The following ZGRF1 variants were observed in gnomAD, a reference collection of about 807,000 sequenced individuals.
ZGRF1 encodes 5'-3' DNA helicase ZGRF1.
ZGRF1 carries 196 observed loss-of-function variants against 203.5 expected under a neutral mutation model. That is an observed-to-expected ratio of 0.96 (90% CI 0.86 to 1.08). ZGRF1 has a LOEUF of 1.08. Ranked by LOEUF, ZGRF1 falls within the 50% of genes least tolerant of loss-of-function variation. The pLI, the probability that ZGRF1 is intolerant of heterozygous loss-of-function variation, is 0.00. For missense variants in ZGRF1, 2,326 were observed against 2,416.3 expected, an observed-to-expected ratio of 0.96 and a Z score of 0.78; for synonymous variants, 809 against 841.3, an observed-to-expected ratio of 0.96 and a Z score of 0.66.
At chr4:112,608,231 A>T (rs1166096530) in intron 8 of ZGRF1, among the ~76,000 whole-genome samples, 1 of 152,206 alleles carries the variant, frequency 6.6e-6, no homozygotes, top group Non-Finnish European at 1.5e-5. Context: ...ACTTTTAAAA[A>T]ATATATGATA....
rs1416323331 is a variant in ZGRF1 at position 112,631,875 on chromosome 4, AT to A, written c.102+54del. The stretch of plus-strand genomic sequence containing the variant: ...TCATGTACAGTTTTTTAAATATTCA[AT>A]CAAAAATCGAGAACCTTGCTCTTGC... On this transcript the variant is annotated intron_variant, in intron 3 of 27. Coordinates refer to ENST00000505019, the MANE Select transcript of ZGRF1 (RefSeq NM_018392.5). 1.9e-5 allele frequency: 17 copies of A among 872,576 alleles called. No homozygotes were observed. In the African/African-American group the frequency reaches 2.7e-4, roughly 14 times the overall value. The allele number at this position is 872,576 out of a possible 1,614,324, so 54.1% of individuals were successfully genotyped here.
intron 21 of ZGRF1, among the ~76,000 whole-genome samples, chr4:112,554,200 C>T (rs1328093803): frequency 1.8e-5 from 2 of 111,044 alleles, no homozygotes; most frequent in African/African-American, 3.5e-5. Flanking sequence ...CTATCCCTCC[C>T]CCCTCCCCCC....
chr4:112,579,618 T>C lies in ZGRF1; in HGVS notation c.4438+2045A>G, dbSNP rs1262449945. The stretch of plus-strand genomic sequence containing the variant: ...TGTGCAAAAATCATAAGCATTCTTA[T>C]ACACCAATAACAGACAAACAGAGAG... On this transcript the variant is annotated intron_variant, in intron 16 of 27. Coordinates refer to ENST00000505019, the MANE Select transcript of ZGRF1 (RefSeq NM_018392.5). Among the ~76,000 whole-genome samples, 2 of 121,774 alleles carry C rather than the reference T, an allele frequency of 1.6e-5. 1 individual carries two copies. The highest frequency in any genetic ancestry group is 4.8e-4 in the East Asian group (2 of 4,152). The allele number at this position is 121,774 out of a possible 152,430, so 79.9% of individuals were successfully genotyped here. A position where few individuals can be genotyped will look rare whatever the true frequency, so the allele number is the denominator to read the frequency against.
chr4:112,633,620 T>C (rs950859490), intron 1 of ZGRF1, among the ~76,000 whole-genome samples: 1 of 152,242 alleles, frequency 6.6e-6, no homozygotes, highest in African/African-American at 2.4e-5. Flanking sequence ...GGCCCCCTTG[T>C]GTTTTAAATT....
chr4:112,552,229 A>C (rs1285689183), intron 22 of ZGRF1, among the ~76,000 whole-genome samples: 1 of 151,622 alleles, frequency 6.6e-6, no homozygotes, highest in African/African-American at 2.4e-5. Flanking sequence ...GTGAGCTGAG[A>C]CTGCGCCACT....
intron 23 of ZGRF1, 24 bp downstream of exon 23, chr4:112,548,229 T>G: frequency 6.4e-7 from 1 of 1,551,090 alleles, no homozygotes; most frequent in Non-Finnish European, 8.7e-7. Flanking sequence ...GTATTACCCC[T>G]GGGGAAAGAA....
intron 24 of ZGRF1, among the ~76,000 whole-genome samples, chr4:112,542,691 A>G (rs1009508446): frequency 6.6e-6 from 1 of 152,056 alleles, no homozygotes; most frequent in African/African-American, 2.4e-5. Flanking sequence ...CTTCTGCCTC[A>G]GCTTCCTGAG....
At position 112,539,854 on chromosome 4, in the gene ZGRF1, T is replaced by TTATTTTACC. The variant is rs772996794; in HGVS notation, c.6172_6172+8dup. The TTATTTTACC allele has an allele frequency of 8.6e-5, 139 of 1,612,670 alleles. No individual in the cohort carries two copies. Among genetic ancestry groups the TTATTTTACC allele is most frequent in the Non-Finnish European group, 7.4e-5 (87 of 1,179,218 alleles). ...TGAAATGCATGAATTAAACCCATTT[T>TTATTTTACC]TATTTTACCTTCGCAGTGTTGGATC... On this transcript the variant is annotated intron_variant, in intron 27 of 27. Transcript: ENST00000505019.
chr4:112,608,983 T>C (rs1371362847), intron 8 of ZGRF1, among the ~76,000 whole-genome samples: 7 of 152,124 alleles, frequency 4.6e-5, no homozygotes, highest in Admixed American at 4.6e-4. Flanking sequence ...ACTGACAATA[T>C]ATAATACAAA....
Position 112,617,858 on chromosome 4 carries a change from T to C in ZGRF1, c.2184A>G (p.Leu728=), listed in dbSNP as rs756743338. ...TGTTGTCACTACTAGAAGTTGAGGG[T>C]AAAACATGTTCATCATTTTTGTCTA... ...SDLDKNDEHV[L]PSTSSSDNSV... Residue 728 remains leucine (L), a synonymous_variant, in exon 6 of 28, where the codon TTA becomes TTG. Coordinates refer to ENST00000505019, the MANE Select transcript of ZGRF1 (RefSeq NM_018392.5). The C allele has an allele frequency of 1.9e-6, 3 of 1,613,958 alleles. No homozygotes were observed. Among genetic ancestry groups the C allele is most frequent in the Non-Finnish European group, 2.5e-6 (3 of 1,179,974 alleles).
rs981774223 is a variant in ZGRF1, at chr4:112,585,825, CAG to C, written c.3917-102_3917-101del. 3.8e-5 allele frequency: 27 copies of C among 717,314 alleles called. No individual in the cohort carries two copies. The African/African-American group carries it at 5.0e-4, about 13-fold the overall frequency. The allele number at this position is 717,314 out of a possible 1,614,324, so 44.4% of individuals were successfully genotyped here. On this transcript the variant is annotated intron_variant, in intron 13 of 27. Coordinates refer to ENST00000505019, the MANE Select transcript of ZGRF1 (RefSeq NM_018392.5). The stretch of plus-strand genomic sequence containing the variant: ...TAGCTAAATTTGAATAGCCTTTAAA[CAG>C]AGTCATATAATAGGAATATCCGTTT...
chr4:112,634,477 CCT>C (rs765946813), intron 1 of ZGRF1, among the ~76,000 whole-genome samples: 11 of 151,850 alleles, frequency 7.2e-5, no homozygotes, highest in Admixed American at 1.3e-4. Flanking sequence ...TGGTGAAACC[CCT>C]GTCTCTACTA....
At chr4:112,563,471 AC>A (rs1410095718) in intron 16 of ZGRF1, among the ~76,000 whole-genome samples, 197 bp from the exon 17 acceptor site, 1 of 152,218 alleles carries the variant, frequency 6.6e-6, no homozygotes. Flanking sequence ...GAACAAAAGA[AC>A]CAGCATCAGA....
Position 112,560,885 on chromosome 4 carries a change from A to G in ZGRF1, c.4808T>C (p.Leu1603Ser), listed in dbSNP as rs777943232. ...KFELLSLGAT[L>S]KLASELIQVH... The stretch of plus-strand genomic sequence containing the variant: ...CTGAATCAACTCACTAGCTAACTTC[A>G]ATGTTGCTCCTAGGCTGAGTAGTTC... Residue 1603 changes from leucine (L) to serine (S), a missense_variant, in exon 19 of 28, where the codon TTG becomes TCG. By Grantham distance (145) the Leu-to-Ser change is moderately radical. Coordinates refer to ENST00000505019, the MANE Select transcript of ZGRF1 (RefSeq NM_018392.5). 9 of 1,613,630 alleles carry G rather than the reference A, an allele frequency of 5.6e-6. No individual in the cohort carries two copies. The highest frequency in any genetic ancestry group is 7.6e-6 in the Non-Finnish European group (9 of 1,179,776).
At chr4:112,615,204 T>C (rs1358947395) in intron 6 of ZGRF1, among the ~76,000 whole-genome samples, 2 of 152,078 alleles carry the variant, frequency 1.3e-5, no homozygotes, top group African/African-American at 4.8e-5. Context: ...TCCAACTTGA[T>C]GACAGAAACC....
Position 112,587,942 on chromosome 4 carries a change from A to G in ZGRF1, c.3128-13T>C. The stretch of plus-strand genomic sequence containing the variant: ...GATTTTTTCATCCCTGAAAGAAAAC[A>G]GAATGCTGATTAAATAAAAATGTTC... On this transcript the variant is annotated splice_polypyrimidine_tract_variant and intron_variant, in intron 11 of 27. Transcript: ENST00000505019. 6.6e-7 allele frequency: 1 copy of G among 1,504,832 alleles called. No homozygotes were observed. Among genetic ancestry groups the G allele is most frequent in the Admixed American group, 2.4e-5 (1 of 41,278 alleles). The allele number at this position is 1,504,832 out of a possible 1,614,324, so 93.2% of individuals were successfully genotyped here.
intron 20 of ZGRF1, among the ~76,000 whole-genome samples, chr4:112,556,436 G>A (rs779597059): frequency 6.6e-6 from 1 of 152,102 alleles, no homozygotes; most frequent in Non-Finnish European, 1.5e-5. Context: ...TGTCACCCAG[G>A]CTAGAGTGCA....
At chr4:112,631,751 A>G (rs2047418255) in intron 3 of ZGRF1, among the ~76,000 whole-genome samples, 179 bp downstream of exon 3, 1 of 152,232 alleles carries the variant, frequency 6.6e-6, no homozygotes, top group Non-Finnish European at 1.5e-5. Context: ...TCTATTAATG[A>G]ACTATTTTTA....
chr4:112,625,306 G>A (rs993911924), intron 3 of ZGRF1, among the ~76,000 whole-genome samples: 2 of 151,744 alleles, frequency 1.3e-5, no homozygotes, highest in African/African-American at 2.4e-5. Flanking sequence ...AAAGAAAATC[G>A]CCAGGCGCGG....
Sources: allele counts gnomAD v4.1 joint callset (sites outside exome capture counted in the v4.1 genomes callset), GRCh38; gene constraint gnomAD v4.1.1; transcripts MANE v1.5; gene names NCBI Gene and HGNC (gene_info 2026-07-23, HGNC 2026-07-21).